SYTL2: variants seen among roughly 807,000 people sequenced by gnomAD.
SYTL2 encodes synaptotagmin like 2.
SYTL2 carries 165 observed loss-of-function variants against 198.7 expected under a neutral mutation model. The ratio of observed to expected loss-of-function variants is 0.83; its 90% CI spans 0.73 to 0.94. The LOEUF is 0.94. SYTL2 is among the 40% of genes least tolerant of loss of function. SYTL2 has a pLI of 0.00. For synonymous variants in SYTL2, 966 were observed against 917.7 expected, an observed-to-expected ratio of 1.05 and a Z score of -0.95; for missense variants, 2,835 against 2,582.8, an observed-to-expected ratio of 1.10 and a Z score of -2.12.
chr11:85,726,541 A>C lies in SYTL2; in HGVS notation c.2817T>G (p.Ser939Arg). Reference sequence around the variant, plus strand: ...CTTTCTCCAATGGAGCATGTCGTTCACTCCCGACATTTGAGGGAGGTTGCA... The same window carrying C: ...CTTTCTCCAATGGAGCATGTCGTTCCCTCCCGACATTTGAGGGAGGTTGCA... ...PALQPPSNVG[S>R]ERHAPLEKDR... Residue 939 changes from serine to arginine, a missense_variant, in exon 8 of 20, where the codon AGT becomes AGG. Coordinates refer to ENST00000359152, the MANE Select transcript of SYTL2 (RefSeq NM_206927.4). 6.2e-7 allele frequency: 1 copy of C among 1,600,384 alleles called. No individual in the cohort carries two copies. The highest frequency in any genetic ancestry group is 8.5e-7 in the Non-Finnish European group (1 of 1,178,944).
the SYTL2 span, among the ~76,000 whole-genome samples, chr11:85,831,167 CAATT>C: frequency 1.3e-5 from 2 of 152,116 alleles, no homozygotes; most frequent in East Asian, 3.8e-4. Flanking sequence ...CATAATTCAT[CAATT>C]GTGTGCTTAA....
At chr11:85,776,525 T>C (rs1249740242) in intron 1 of SYTL2, among the ~76,000 whole-genome samples, 1 of 152,224 alleles carries the variant, frequency 6.6e-6, no homozygotes, top group Non-Finnish European at 1.5e-5. Context: ...TTGTGATAGT[T>C]TGCTGAGAAT....
At position 85,720,886 on chromosome 11, in the gene SYTL2, A is replaced by G. The variant is rs1468576453; in HGVS notation, c.5400T>C (p.Ser1800=). The change falls in exon 9 of 20, where the codon AGT becomes AGC. Residue 1800 remains serine, a synonymous_variant. Transcript: ENST00000359152. ...ATGAATCTGATGAAATGTCTTCTAG[A>G]CTTTTGGAAGGCATTTTCCTAGCGG... is the stretch of plus-strand genomic sequence containing the variant. ...RSAARKMPSK[S]LEDISSDSSN... 1 of 1,613,380 alleles carries G rather than the reference A, an allele frequency of 6.2e-7. No individual in the cohort carries two copies.
In SYTL2 at chr11:85,734,540, G is replaced by T. The variant is rs1315396647; in HGVS notation, c.789C>A (p.Ser263=). The change falls in exon 7 of 20, where the codon TCC becomes TCA. Residue 263 remains serine (S), a synonymous_variant. Transcript: ENST00000359152. ...CTCTCGGAGCCCCTCTCGCTTTCAGGGAGTCTGTCCTTTGTCTAGGAAAAG... is the reference window on the plus strand; with the variant it reads ...CTCTCGGAGCCCCTCTCGCTTTCAGTGAGTCTGTCCTTTGTCTAGGAAAAG... ...NQSFPRQRTD[S]LKARGAPRGI... 4.3e-6 allele frequency: 7 copies of T among 1,614,144 alleles called. No homozygotes were observed. The South Asian group carries it at 7.7e-5, about 18-fold the overall frequency.
At chr11:85,747,089 G>A (rs952000399) in intron 3 of SYTL2, among the ~76,000 whole-genome samples, 7 of 152,154 alleles carry the variant, frequency 4.6e-5, no homozygotes, top group Non-Finnish European at 7.3e-5. Flanking sequence ...CATGGACTAA[G>A]CCAGAGTTAA....
intron 15 of SYTL2, among the ~76,000 whole-genome samples, chr11:85,706,051 C>T (rs922393440): frequency 5.9e-5 from 9 of 152,150 alleles, no homozygotes; most frequent in African/African-American, 1.9e-4. Flanking sequence ...ACTAAGGCAG[C>T]ATGATGTAGT....
intron 1 of SYTL2, among the ~76,000 whole-genome samples, chr11:85,804,304 C>CA (rs1449029451): frequency 1.4e-4 from 21 of 152,188 alleles, no homozygotes; most frequent in African/African-American, 5.1e-4. Flanking sequence ...ATCTAGAACT[C>CA]AGTTTGCAGC....
At chr11:85,843,426 A>G in the SYTL2 span, among the ~76,000 whole-genome samples, 1 of 152,156 alleles carries the variant, frequency 6.6e-6, no homozygotes, top group African/African-American at 2.4e-5. Flanking sequence ...TTCAGGTTTG[A>G]AAAGCTAAGT....
At chr11:85,850,061 A>G in the SYTL2 span, among the ~76,000 whole-genome samples, 3 of 146,530 alleles carry the variant, frequency 2.0e-5, no homozygotes, top group African/African-American at 7.7e-5. Flanking sequence ...TGTGAATGGG[A>G]GTTCACTCAC....
chr11:85,738,779 A>G (rs534517767), intron 4 of SYTL2, among the ~76,000 whole-genome samples: 2 of 152,274 alleles, frequency 1.3e-5, no homozygotes, highest in East Asian at 1.9e-4. Flanking sequence ...AAGCAGTTAC[A>G]TAATCAGAAG....
At chr11:85,788,959 T>C (rs2092680098) in intron 1 of SYTL2, among the ~76,000 whole-genome samples, 1 of 151,378 alleles carries the variant, frequency 6.6e-6, no homozygotes, top group Non-Finnish European at 1.5e-5. Context: ...TAGAATATCA[T>C]TCCACACATG....
At chr11:85,818,930 C>G in the SYTL2 span, among the ~76,000 whole-genome samples, 1 of 152,152 alleles carries the variant, frequency 6.6e-6, no homozygotes, top group African/African-American at 2.4e-5. Flanking sequence ...CTACTAACAA[C>G]ATACTGTGTG....
Position 85,732,911 on chromosome 11 carries a change from A to T in SYTL2, c.1390+1028T>A, listed in dbSNP as rs534839745. On this transcript the variant is annotated intron_variant, in intron 7 of 19. Coordinates refer to ENST00000359152, the MANE Select transcript of SYTL2 (RefSeq NM_206927.4). ...GTTTTTTTAAAAAACATAAGAAATT[A>T]TGATTATAAAACATTATGATTACTT... Among the ~76,000 whole-genome samples, 28 of 152,304 alleles carry T rather than the reference A, an allele frequency of 1.8e-4. 1 individual carries two copies. The highest frequency in any genetic ancestry group is 6.7e-4 in the African/African-American group (28 of 41,558).
At chr11:85,706,376 A>G (rs745977126) in intron 15 of SYTL2, among the ~76,000 whole-genome samples, 10 of 152,220 alleles carry the variant, frequency 6.6e-5, no homozygotes, top group Non-Finnish European at 1.0e-4. Context: ...GGAACTTACA[A>G]TTTAGTGGCA....
chr11:85,721,016 C>CT, intron 8 of SYTL2, 57 bp from the exon 9 acceptor site: 3 of 992,722 alleles, frequency 3.0e-6, no homozygotes, highest in Non-Finnish European at 4.7e-6. Context: ...AAAAAATCCT[C>CT]TAACATATGG....
At chr11:85,749,101 A>T (rs2091356505) in intron 2 of SYTL2, among the ~76,000 whole-genome samples, 1 of 152,224 alleles carries the variant, frequency 6.6e-6, no homozygotes, top group Admixed American at 6.5e-5. Context: ...CAGATCCTGC[A>T]TTTAAGAGTT....
chr11:85,725,789 A>T lies in SYTL2; in HGVS notation c.3569T>A (p.Ile1190Asn), dbSNP rs1033084312. 2 of 1,614,102 alleles carry T rather than the reference A, an allele frequency of 1.2e-6. No individual in the cohort carries two copies. The highest frequency in any genetic ancestry group is 2.2e-5 in the South Asian group (2 of 91,080). ...TEEEVKGPEKIINEHVDKTVV... is the reference protein window; with the variant it reads ...TEEEVKGPEKNINEHVDKTVV... ...TGTTTTGTCAACATGCTCATTAATG[A>T]TCTTCTCAGGTCCTTTGACTTCTTC... The change falls in exon 8 of 20, where the codon ATC (isoleucine) becomes AAC (asparagine). Residue 1190 changes from isoleucine (I) to asparagine (N), a missense_variant. Ile to Asn is a moderately radical substitution (Grantham distance 149). This residue lies in a region of SYTL2 where 2,645 missense variants were observed against 2,381.7 expected (regional missense o/e 1.11). Transcript: ENST00000359152.
rs2083376919 is a variant in SYTL2 at position 85,696,185 on chromosome 11, G to A, written c.6572C>T (p.Thr2191Ile). 6.2e-7 allele frequency: 1 copy of A among 1,613,948 alleles called. No homozygotes were observed. Among genetic ancestry groups the A allele is most frequent in the East Asian group, 2.2e-5 (1 of 44,870 alleles). ...FLGGLRIGFG[T>I]GKSYGTEVDW... Reference sequence around the variant, plus strand: ...ATTAAAAATGTAGCAAACAGTACCTGTTCCAAAGCCAATACGAAGACCTCC... The same window carrying A: ...ATTAAAAATGTAGCAAACAGTACCTATTCCAAAGCCAATACGAAGACCTCC... Residue 2191 changes from threonine to isoleucine, a missense_variant and splice_region_variant, in exon 19 of 20, where the codon ACA becomes ATA. Thr to Ile is a moderately conservative substitution (Grantham distance 89). This residue lies in a region of SYTL2 where 185 missense variants were observed against 182.1 expected (regional missense o/e 1.02). Coordinates refer to ENST00000359152, the MANE Select transcript of SYTL2 (RefSeq NM_206927.4).
rs577494129 is a variant in SYTL2, at chr11:85,725,280, T to C, written c.4078A>G (p.Ile1360Val). 1.0e-4 allele frequency: 163 copies of C among 1,614,184 alleles called. 1 individual carries two copies. In the South Asian group the frequency reaches 1.6e-3, roughly 16 times the overall value. ...TEISETVEKV[I>V]LPPRPVLNDV... The stretch of plus-strand genomic sequence containing the variant: ...TTCAATACAGGTCTGGGTGGAAGAA[T>C]GACTTTCTCTACAGTCTCCGAAATT... Residue 1360 changes from isoleucine to valine, a missense_variant, in exon 8 of 20, where the codon ATT becomes GTT. By Grantham distance (29) the Ile-to-Val change is conservative (BLOSUM62 3). Transcript: ENST00000359152.
Sources: gnomAD v4.1 joint callset for allele counts (sites outside exome capture counted in the v4.1 genomes callset) on GRCh38, gnomAD v4.1.1 for gene constraint, gnomAD v4.1.1 regional missense constraint, MANE v1.5 for transcripts, NCBI Gene and HGNC (gene_info 2026-07-23, HGNC 2026-07-21) for gene names.